Variants in DEPDC5 observed in about 807,000 individuals in gnomAD.
The protein encoded by DEPDC5 is DEP domain containing 5, GATOR1 subcomplex subunit, also known as GATOR1 complex protein DEPDC5.
In DEPDC5, 73 loss-of-function variants were observed where a neutral mutation model predicts 217.3. The ratio of observed to expected loss-of-function variants is 0.34; its 90% CI spans 0.28 to 0.41. The LOEUF (loss-of-function observed/expected upper bound fraction) is 0.41, where lower values mean the gene tolerates loss of function less well. Among genes scored for constraint, DEPDC5 ranks in the 10% least tolerant of loss-of-function variants. The pLI, the probability that DEPDC5 is intolerant of heterozygous loss-of-function variation, is 1.00. For synonymous variants in DEPDC5, 733 were observed against 756.7 expected, an observed-to-expected ratio of 0.97 and a Z score of 0.51; for missense variants, 1,675 against 2,070.1, an observed-to-expected ratio of 0.81 and a Z score of 3.70.
chr22:31,763,749 A>G (rs2082594368), intron 4 of DEPDC5, among the ~76,000 whole-genome samples: 1 of 152,038 alleles, frequency 6.6e-6, no homozygotes, highest in Non-Finnish European at 1.5e-5. Context: ...CTCATATTTA[A>G]CAATTCAATA....
intron 33 of DEPDC5, among the ~76,000 whole-genome samples, chr22:31,863,159 C>T (rs1381257182): frequency 2.6e-5 from 4 of 151,796 alleles, no homozygotes; most frequent in African/African-American, 9.7e-5. Context: ...TAACCTTTTA[C>T]TTTGTGGTTT....
chr22:31,756,737 A>G (rs933098730), intron 2 of DEPDC5, among the ~76,000 whole-genome samples: 1 of 151,950 alleles, frequency 6.6e-6, no homozygotes, highest in Non-Finnish European at 1.5e-5. Context: ...CCTGGCCAAC[A>G]TAGTGAAACC....
At position 31,861,372 on chromosome 22, in the gene DEPDC5, G is replaced by A. The variant is rs1217171263; in HGVS notation, c.3269G>A (p.Gly1090Glu). 6 of 1,551,246 alleles carry A rather than the reference G, an allele frequency of 3.9e-6. No homozygotes were observed. The highest frequency in any genetic ancestry group is 1.7e-4 in the Middle Eastern group (1 of 6,014). ...TTCCTCCTCCTGTGACTTCAGGACG[G>A]GGCCTTCTTTATGGAGTTTGTCCGC... ...PTYMDSPRKD[G>E]AFFMEFVRSP... The change falls in exon 33 of 43, where the codon GGG becomes GAG. Residue 1090 changes from glycine (G) to glutamate (E), a missense_variant. Gly to Glu is a moderately conservative substitution (Grantham distance 98). Transcript: ENST00000651528.
At chr22:31,826,897 GTTT>G (rs74267286) in intron 24 of DEPDC5, among the ~76,000 whole-genome samples, 2 of 140,298 alleles carry the variant, frequency 1.4e-5, no homozygotes, top group Non-Finnish European at 3.1e-5. Flanking sequence ...ATTATACATA[GTTT>G]TTTTTTTTTT....
chr22:31,820,967 T>C (rs1489839208), intron 22 of DEPDC5, among the ~76,000 whole-genome samples: 2 of 152,234 alleles, frequency 1.3e-5, no homozygotes, highest in Non-Finnish European at 2.9e-5. Flanking sequence ...AGATGCCCTC[T>C]TCCTTCAATC....
Position 31,784,749 on chromosome 22 carries a change from A to G in DEPDC5, c.563-65A>G, listed in dbSNP as rs1013587096. 4.0e-6 allele frequency: 6 copies of G among 1,505,392 alleles called. No homozygotes were observed. The African/African-American group carries it at 8.3e-5, about 21-fold the overall frequency. The allele number at this position is 1,505,392 out of a possible 1,614,324, so 93.3% of individuals were successfully genotyped here. A position where few individuals can be genotyped will look rare whatever the true frequency, so the allele number is the denominator to read the frequency against. ...TTACTTAGAGAAGAAATTAGAGAAGAAATTGCAAGCAAGAAATAAAGATTG... is the reference window on the plus strand; with the variant it reads ...TTACTTAGAGAAGAAATTAGAGAAGGAATTGCAAGCAAGAAATAAAGATTG... On this transcript the variant is annotated intron_variant, in intron 9 of 42. Transcript: ENST00000651528.
chr22:31,850,394 C>T (rs2091962811), intron 31 of DEPDC5, among the ~76,000 whole-genome samples: 1 of 152,032 alleles, frequency 6.6e-6, no homozygotes, highest in Non-Finnish European at 1.5e-5. Flanking sequence ...GAAAAAGAGT[C>T]CACATTCACG....
At chr22:31,810,396 A>G (rs1007692410) in intron 19 of DEPDC5, 125 bp from the exon 20 acceptor site, 1 of 1,435,812 alleles carries the variant, frequency 7.0e-7, no homozygotes, top group African/African-American at 1.4e-5. Flanking sequence ...ATTTTGGTGA[A>G]GATTATCTGA....
chr22:31,775,852 C>T (rs1278450306), intron 7 of DEPDC5, among the ~76,000 whole-genome samples: 2 of 151,662 alleles, frequency 1.3e-5, no homozygotes, highest in Non-Finnish European at 2.9e-5. Context: ...CCAGCCTGGC[C>T]AACATGGTGA....
chr22:31,862,067 C>T (rs1192182908), intron 33 of DEPDC5, among the ~76,000 whole-genome samples: 1 of 151,772 alleles, frequency 6.6e-6, no homozygotes, highest in Non-Finnish European at 1.5e-5. Flanking sequence ...ATGGAGAAAC[C>T]CCATCTCTAC....
intron 14 of DEPDC5, among the ~76,000 whole-genome samples, chr22:31,799,855 T>C (rs1310162001): frequency 1.5e-5 from 2 of 131,362 alleles, no homozygotes; most frequent in East Asian, 5.0e-4. Flanking sequence ...GTCGCTAGGC[T>C]AGAGTGCAAT....
chr22:31,861,442 A>G lies in DEPDC5; in HGVS notation c.3330+9A>G. 1 of 1,551,390 alleles carries G rather than the reference A, an allele frequency of 6.4e-7. No individual in the cohort carries two copies. The highest frequency in any genetic ancestry group is 2.0e-5 in the Admixed American group (1 of 50,970). ...CCGCCTTCTACCCTCAGGTTAGTCC[A>G]ACTCCAGGGCTTCGCATGCCTGTCC... On this transcript the variant is annotated intron_variant, in intron 33 of 42. Coordinates refer to ENST00000651528, the MANE Select transcript of DEPDC5 (RefSeq NM_001242896.3).
intron 21 of DEPDC5, chr22:31,815,705 AT>A (rs1050965382): frequency 1.2e-3 from 760 of 641,578 alleles, no homozygotes; most frequent in South Asian, 2.3e-3. Context: ...TGATTATCAT[AT>A]TTTTTTTTGT....
Position 31,794,756 on chromosome 22 carries a change from C to T in DEPDC5, c.767+1939C>T, listed in dbSNP as rs149014023. On this transcript the variant is annotated intron_variant, in intron 12 of 42. Transcript: ENST00000651528. ...CATAACTTAGCTGGGTGCAGTGGTG[C>T]GCGCCTGTAGTTTCAGCTATTTGGG... Among the ~76,000 whole-genome samples, 352 of 152,092 alleles carry T rather than the reference C, an allele frequency of 2.3e-3. 2 individuals carry two copies. Among genetic ancestry groups the T allele is most frequent in the Middle Eastern group, 0.01 (3 of 294 alleles).
At chr22:31,837,954 C>T (rs1365286192) in intron 26 of DEPDC5, among the ~76,000 whole-genome samples, 5 of 151,814 alleles carry the variant, frequency 3.3e-5, no homozygotes, top group African/African-American at 4.8e-5. Context: ...CCACCCACCT[C>T]GGCCTCCCAA....
intron 32 of DEPDC5, among the ~76,000 whole-genome samples, chr22:31,860,553 G>C (rs2092471875): frequency 6.6e-6 from 1 of 152,140 alleles, no homozygotes; most frequent in Admixed American, 6.5e-5. Flanking sequence ...CATTGAAAAA[G>C]TCCTCCGTGT....
At chr22:31,883,320 C>T (rs936272350) in intron 38 of DEPDC5, among the ~76,000 whole-genome samples, 7 of 152,098 alleles carry the variant, frequency 4.6e-5, no homozygotes, top group African/African-American at 7.2e-5. Context: ...CAAGTTGATG[C>T]GTGATAAGGG....
At chr22:31,838,546 C>T in intron 26 of DEPDC5, 139 bp from the exon 27 acceptor site, 4 of 1,147,800 alleles carry the variant, frequency 3.5e-6, no homozygotes, top group Non-Finnish European at 4.9e-6. Flanking sequence ...CCACCATGCC[C>T]AGCTCAAACT....
chr22:31,866,676 G>A (rs903036673), intron 33 of DEPDC5, among the ~76,000 whole-genome samples: 6 of 152,286 alleles, frequency 3.9e-5, no homozygotes, highest in South Asian at 2.1e-4. Context: ...GAGCCACCGC[G>A]CCCAGCCCTT....
Sources: gnomAD v4.1 joint callset for allele counts (sites outside exome capture counted in the v4.1 genomes callset) on GRCh38, gnomAD v4.1.1 for gene constraint, MANE v1.5 for transcripts, NCBI Gene and HGNC (gene_info 2026-07-23, HGNC 2026-07-21) for gene names.